Variants in TUSC3 observed in about 807,000 individuals in gnomAD.
The protein encoded by TUSC3 is dolichyl-diphosphooligosaccharide--protein glycosyltransferase subunit TUSC3.
TUSC3 carries 45 observed loss-of-function variants against 44.8 expected under a neutral mutation model. The observed-to-expected ratio is 1.00, with a 90% CI of 0.79 to 1.29. The LOEUF is 1.29. Among genes scored for constraint, TUSC3 ranks in the 50% most tolerant of loss-of-function variants. The pLI, the probability that TUSC3 is intolerant of heterozygous loss-of-function variation, is 0.00. For missense variants in TUSC3, 519 were observed against 437.9 expected, an observed-to-expected ratio of 1.19 and a Z score of -1.65; for synonymous variants, 212 against 152.9, an observed-to-expected ratio of 1.39 and a Z score of -2.85.
chr8:15,600,537 G>A (rs2129154292), intron 1 of TUSC3, among the ~76,000 whole-genome samples: 1 of 151,756 alleles, frequency 6.6e-6, no homozygotes, highest in African/African-American at 2.4e-5. Flanking sequence ...TAGGCAAATA[G>A]AAGATGCTGT....
intron 1 of TUSC3, among the ~76,000 whole-genome samples, chr8:15,432,605 G>C (rs1799885414): frequency 6.6e-6 from 1 of 152,126 alleles, no homozygotes; most frequent in African/African-American, 2.4e-5. Context: ...ATAAAAGAAA[G>C]TGCTATAAAG....
intron 2 of TUSC3, among the ~76,000 whole-genome samples, chr8:15,501,151 C>T (rs542056688): frequency 2.5e-4 from 38 of 152,282 alleles, no homozygotes; most frequent in Admixed American, 6.5e-4. Context: ...ACTCCTTCAT[C>T]CTGACCTTTA....
chr8:15,534,187 G>A (rs1352142058), intron 2 of TUSC3, among the ~76,000 whole-genome samples: 1 of 151,956 alleles, frequency 6.6e-6, no homozygotes, highest in Admixed American at 6.6e-5. Flanking sequence ...CTATAATTAT[G>A]AGATAAAATG....
intron 5 of TUSC3, among the ~76,000 whole-genome samples, chr8:15,664,734 T>A (rs1304657722): frequency 6.7e-6 from 1 of 149,672 alleles, no homozygotes; most frequent in Non-Finnish European, 1.5e-5. Flanking sequence ...CAGAGATACT[T>A]ATGTTTGATG....
chr8:15,501,130 G>A (rs922014102), intron 2 of TUSC3, among the ~76,000 whole-genome samples: 2 of 151,932 alleles, frequency 1.3e-5, no homozygotes, highest in Non-Finnish European at 2.9e-5. Context: ...CATCACTTTT[G>A]GTATTTCTAC....
chr8:15,828,017 G>A, the TUSC3 span, among the ~76,000 whole-genome samples: 10 of 128,232 alleles, frequency 7.8e-5, no homozygotes, highest in South Asian at 1.2e-3. Flanking sequence ...TTTTTGACAC[G>A]GAGTTTCACA....
chr8:15,796,630 A>T, the TUSC3 span, among the ~76,000 whole-genome samples: 1 of 152,208 alleles, frequency 6.6e-6, no homozygotes, highest in East Asian at 1.9e-4. Flanking sequence ...ATAGGCATTT[A>T]GGGGACCACT....
intron 5 of TUSC3, among the ~76,000 whole-genome samples, chr8:15,666,330 A>T (rs1003044488): frequency 4.0e-5 from 6 of 151,542 alleles, no homozygotes; most frequent in Admixed American, 2.6e-4. Context: ...ACCCAACCTT[A>T]TTATCACAGT....
intron 1 of TUSC3, among the ~76,000 whole-genome samples, chr8:15,437,120 T>C (rs1254208287): frequency 6.6e-6 from 1 of 152,174 alleles, no homozygotes; most frequent in East Asian, 1.9e-4. Context: ...TGCAGAGACC[T>C]GAAAAGTTCT....
intron 2 of TUSC3, among the ~76,000 whole-genome samples, chr8:15,525,152 C>T (rs978248214): frequency 1.3e-5 from 2 of 152,216 alleles, no homozygotes; most frequent in Admixed American, 6.5e-5. Flanking sequence ...TTTTCCTATA[C>T]TCCCTGCTGG....
intron 6 of TUSC3, among the ~76,000 whole-genome samples, chr8:15,695,807 G>A (rs1043588428): frequency 2.6e-5 from 4 of 152,196 alleles, no homozygotes. Flanking sequence ...GCAGAGACAG[G>A]TGGCATTTTG....
At chr8:15,434,709 C>T (rs746231174) in intron 1 of TUSC3, among the ~76,000 whole-genome samples, 6 of 151,714 alleles carry the variant, frequency 4.0e-5, no homozygotes, top group Admixed American at 6.6e-5. Context: ...CAACAGGCCC[C>T]GGTGTGTGAT....
intron 1 of TUSC3, among the ~76,000 whole-genome samples, chr8:15,584,983 C>T (rs1224378360): frequency 6.6e-6 from 1 of 152,006 alleles, no homozygotes; most frequent in African/African-American, 2.4e-5. Context: ...TACATATCTG[C>T]TTATTAAAAA....
chr8:15,795,275 T>C, the TUSC3 span, among the ~76,000 whole-genome samples: 1 of 152,158 alleles, frequency 6.6e-6, no homozygotes, highest in Non-Finnish European at 1.5e-5. Flanking sequence ...AGACCCTGCC[T>C]TGGCTTGCAA....
chr8:15,548,517 A>G (rs1355748284), intron 1 of TUSC3, among the ~76,000 whole-genome samples: 14 of 151,822 alleles, frequency 9.2e-5, no homozygotes, highest in Admixed American at 8.5e-4. Context: ...TGCTGAAACC[A>G]TCTTATTACC....
intron 5 of TUSC3, among the ~76,000 whole-genome samples, chr8:15,673,282 A>C (rs1585215399): frequency 6.6e-6 from 1 of 152,252 alleles, no homozygotes; most frequent in Non-Finnish European, 1.5e-5. Flanking sequence ...GAAAGTATTT[A>C]GGTACTTACG....
the TUSC3 span, among the ~76,000 whole-genome samples, chr8:15,814,861 A>C: frequency 6.6e-6 from 1 of 152,144 alleles, no homozygotes; most frequent in Non-Finnish European, 1.5e-5. Flanking sequence ...CAAGTATATA[A>C]ATGTTGATTG....
At chr8:15,568,933 G>A (rs556719603) in intron 1 of TUSC3, among the ~76,000 whole-genome samples, 47 of 151,876 alleles carry the variant, frequency 3.1e-4, no homozygotes, top group Admixed American at 2.1e-3. Flanking sequence ...TTCTGGCAAG[G>A]CACATTGGTT....
chr8:15,845,064 T>G, the TUSC3 span, among the ~76,000 whole-genome samples: 1 of 152,160 alleles, frequency 6.6e-6, no homozygotes, highest in African/African-American at 2.4e-5. Flanking sequence ...AAAAATCTCT[T>G]TTAGTTCAAG....
Sources: allele counts gnomAD v4.1 joint callset (sites outside exome capture counted in the v4.1 genomes callset), GRCh38; gene constraint gnomAD v4.1.1; transcripts MANE v1.5; gene names NCBI Gene and HGNC (gene_info 2026-07-23, HGNC 2026-07-21).